SDK1: variants seen among roughly 807,000 people sequenced by gnomAD.
SDK1 encodes the protein sidekick cell adhesion molecule 1.
SDK1 carries 157 observed loss-of-function variants against 245.5 expected under a neutral mutation model. The ratio of observed to expected loss-of-function variants is 0.64; its 90% CI spans 0.56 to 0.73. The LOEUF (loss-of-function observed/expected upper bound fraction) is 0.73, where lower values mean the gene tolerates loss of function less well. SDK1 is among the 30% of genes least tolerant of loss of function. SDK1 has a pLI of 0.00. For missense variants in SDK1, 3,583 were observed against 3,002.3 expected (o/e 1.19, Z -4.52); for synonymous variants, 1,647 against 1,278.5 (o/e 1.29, Z -6.15).
chr7:4,237,890 A>G, intron 42 of SDK1, 106 bp downstream of exon 42: 1 of 1,351,822 alleles, frequency 7.4e-7, no homozygotes, highest in Non-Finnish European at 1.0e-6. Flanking sequence ...TTTCCATTTC[A>G]TTTGCTTGTA....
intron 1 of SDK1, among the ~76,000 whole-genome samples, chr7:3,303,099 T>C (rs1231346333): frequency 6.6e-6 from 1 of 152,198 alleles, no homozygotes; most frequent in South Asian, 2.1e-4. Context: ...CCCTCTTATG[T>C]TTTACTACAT....
rs78045250 is a variant in SDK1, at chr7:4,199,686, A to T, written c.5099-6193A>T. On this transcript the variant is annotated intron_variant, in intron 35 of 44. Coordinates refer to ENST00000404826, the MANE Select transcript of SDK1 (RefSeq NM_152744.4). Reference sequence around the variant, plus strand: ...CAGACTAAGGCCATCCCCTGGGGCTATGGAAGGAGAGTGTCCCCTGTCCCA... The same window carrying T: ...CAGACTAAGGCCATCCCCTGGGGCTTTGGAAGGAGAGTGTCCCCTGTCCCA... Among the ~76,000 whole-genome samples, 906 of 152,012 alleles carry T rather than the reference A, an allele frequency of 6.0e-3. 7 individuals carry two copies. Among genetic ancestry groups the T allele is most frequent in the African/African-American group, 0.021 (847 of 41,316 alleles).
chr7:4,051,611 T>C (rs1789484787), intron 18 of SDK1, 27 bp from the exon 19 acceptor site: 1 of 1,591,774 alleles, frequency 6.3e-7, no homozygotes, highest in Non-Finnish European at 8.5e-7. Context: ...GAAAACAGGC[T>C]GTCTTTTTCA....
chr7:4,218,889 CTGTT>C (rs936050870), intron 38 of SDK1, among the ~76,000 whole-genome samples: 1 of 150,032 alleles, frequency 6.7e-6, no homozygotes, highest in African/African-American at 2.5e-5. Flanking sequence ...ACTTATCTAA[CTGTT>C]TTTTTTTTTA....
At chr7:3,463,723 CCT>C (rs1780903850) in intron 1 of SDK1, among the ~76,000 whole-genome samples, 1 of 152,198 alleles carries the variant, frequency 6.6e-6, no homozygotes, top group Non-Finnish European at 1.5e-5. Flanking sequence ...TTCATTTCCC[CCT>C]CTCTGCTGGT....
intron 1 of SDK1, among the ~76,000 whole-genome samples, chr7:3,422,558 T>C (rs144116356): frequency 2.1e-3 from 313 of 152,268 alleles, no homozygotes; most frequent in Non-Finnish European, 3.7e-3. Context: ...CTTGGGAGGC[T>C]GAGGGAGGAG....
chr7:3,457,699 C>T (rs185270320), intron 1 of SDK1, among the ~76,000 whole-genome samples: 2 of 152,280 alleles, frequency 1.3e-5, no homozygotes, highest in African/African-American at 4.8e-5. Context: ...AGATCTTCCT[C>T]TAAGAGCTAC....
chr7:4,156,995 C>T (rs893484296), intron 30 of SDK1, among the ~76,000 whole-genome samples: 4 of 152,264 alleles, frequency 2.6e-5, no homozygotes, highest in African/African-American at 9.6e-5. Context: ...GAGGATGGAG[C>T]CCTCATCTAT....
At chr7:3,900,356 C>T (rs141994313) in intron 5 of SDK1, among the ~76,000 whole-genome samples, 210 of 152,276 alleles carry the variant, frequency 1.4e-3, no homozygotes, top group African/African-American at 4.8e-3. Context: ...TCTCTTGCAT[C>T]GTTCATGTTT....
intron 1 of SDK1, among the ~76,000 whole-genome samples, chr7:3,600,562 T>G (rs1366825773): frequency 6.7e-6 from 1 of 148,450 alleles, no homozygotes; most frequent in East Asian, 1.9e-4. Flanking sequence ...TTTTTTTTTT[T>G]TTTTTTTTTT....
chr7:3,951,007 C>T lies in SDK1; in HGVS notation c.932C>T (p.Thr311Ile). 1 of 1,613,846 alleles carries T rather than the reference C, an allele frequency of 6.2e-7. No individual in the cohort carries two copies. Among genetic ancestry groups the T allele is most frequent in the Non-Finnish European group, 8.5e-7 (1 of 1,179,772 alleles). ...AGTGTGGTGGCTGGATCCAGTGAGA[C>T]CACCTTGGAATGTATAGCCAGTGCC... ...NRSVVAGSSE[T>I]TLECIASARP... Residue 311 changes from threonine (T) to isoleucine (I), a missense_variant, in exon 6 of 45, where the codon ACC (threonine) becomes ATC (isoleucine). Physicochemically the swap from Thr to Ile is moderately conservative, Grantham distance 89 (BLOSUM62 -1). Coordinates refer to ENST00000404826, the MANE Select transcript of SDK1 (RefSeq NM_152744.4).
At chr7:4,157,707 A>G (rs187588358) in intron 30 of SDK1, among the ~76,000 whole-genome samples, 6 of 152,258 alleles carry the variant, frequency 3.9e-5, no homozygotes, top group African/African-American at 9.6e-5. Flanking sequence ...GCCATTTACT[A>G]GTCTTGTAGC....
intron 4 of SDK1, among the ~76,000 whole-genome samples, chr7:3,720,618 T>A (rs888648259): frequency 3.9e-5 from 6 of 152,192 alleles, no homozygotes; most frequent in Admixed American, 2.6e-4. Flanking sequence ...GGATCACTCA[T>A]ATATTGTTAG....
intron 1 of SDK1, among the ~76,000 whole-genome samples, chr7:3,595,904 A>G (rs1341787719): frequency 6.7e-6 from 1 of 149,150 alleles, no homozygotes; most frequent in African/African-American, 2.5e-5. Flanking sequence ...TCTAGTTACT[A>G]GTCAACACTA....
intron 17 of SDK1, among the ~76,000 whole-genome samples, chr7:4,029,817 C>T (rs147145298): frequency 7.9e-5 from 12 of 152,248 alleles, no homozygotes; most frequent in East Asian, 1.9e-4. Context: ...GGTAATTCAT[C>T]GATTCTGCCC....
At chr7:3,551,015 A>G (rs962510082) in intron 1 of SDK1, among the ~76,000 whole-genome samples, 1 of 152,202 alleles carries the variant, frequency 6.6e-6, no homozygotes, top group Non-Finnish European at 1.5e-5. Flanking sequence ...AGCTTTTAAT[A>G]TATTTTTTAG....
At chr7:4,106,732 G>T (rs1051495274) in intron 22 of SDK1, among the ~76,000 whole-genome samples, 1 of 152,084 alleles carries the variant, frequency 6.6e-6, no homozygotes, top group East Asian at 1.9e-4. Flanking sequence ...CTCTCAACGC[G>T]GCGCGTGCCT....
chr7:3,642,015 C>G lies in SDK1; in HGVS notation c.623C>G (p.Ala208Gly), dbSNP rs150788248. The G allele has an allele frequency of 1.6e-3, 2,515 of 1,613,660 alleles. 3 individuals carry two copies. Among genetic ancestry groups the G allele is most frequent in the Non-Finnish European group, 2.0e-3 (2,395 of 1,179,704 alleles). ...QRKTVSQGRA[A>G]ILNLLPITSY... ...AAAACAGTTTCTCAAGGACGTGCAG[C>G]GATTCTAAACCTGCTGCCCATCACC... is the stretch of plus-strand genomic sequence containing the variant. Residue 208 changes from alanine (A) to glycine (G), a missense_variant, in exon 4 of 45, where the codon GCG (alanine) becomes GGG (glycine). Coordinates refer to ENST00000404826, the MANE Select transcript of SDK1 (RefSeq NM_152744.4).
chr7:3,738,005 C>T (rs1001857008), intron 4 of SDK1, among the ~76,000 whole-genome samples: 1 of 152,192 alleles, frequency 6.6e-6, no homozygotes, highest in Non-Finnish European at 1.5e-5. Flanking sequence ...GGTGTTTTGT[C>T]TATAGATAGT....
Sources: allele counts gnomAD v4.1 joint callset (sites outside exome capture counted in the v4.1 genomes callset), GRCh38; gene constraint gnomAD v4.1.1; transcripts MANE v1.5; gene names NCBI Gene and HGNC (gene_info 2026-07-23, HGNC 2026-07-21).